C1orf162: variants seen among roughly 807,000 people sequenced by gnomAD.
C1orf162 encodes transmembrane protein C1orf162.
C1orf162 carries 10 observed loss-of-function variants against 11.4 expected under a neutral mutation model. The ratio of observed to expected loss-of-function variants is 0.88; its 90% CI spans 0.54 to 1.48. The LOEUF is 1.48. Ranked by LOEUF, C1orf162 falls within the 40% of genes most tolerant of loss-of-function variation. The probability of loss-of-function intolerance (pLI) is 0.00; values close to 1 mark genes in which losing one functional copy is unlikely to be tolerated. For synonymous variants in C1orf162, 53 were observed against 55.0 expected (o/e 0.96, Z 0.16); for missense variants, 140 against 149.5 (o/e 0.94, Z 0.33).
chr1:111,476,734 CTT>C, intron 2 of C1orf162, 62 bp from the exon 3 acceptor site: 1 of 1,557,622 alleles, frequency 6.4e-7, no homozygotes, highest in Non-Finnish European at 8.9e-7. Flanking sequence ...CCTGGGGAAA[CTT>C]AAGCTGGAAG....
Position 111,478,172 on chromosome 1 carries a change from T to C in C1orf162, c.*49T>C. 1 of 1,605,158 alleles carries C rather than the reference T, an allele frequency of 6.2e-7. No individual in the cohort carries two copies. The highest frequency in any genetic ancestry group is 2.2e-5 in the East Asian group (1 of 44,822). On this transcript the variant is annotated 3_prime_UTR_variant, in exon 6 of 6. Transcript: ENST00000369718. The stretch of plus-strand genomic sequence containing the variant: ...AATCCATTTCCTCTCATCTCAGCCC[T>C]ATCTTCACACATCACTTTCACTTTT...
At chr1:111,474,857 G>A (rs935747342) in intron 1 of C1orf162, 4 of 152,100 alleles carry the variant, frequency 2.6e-5, no homozygotes, top group South Asian at 4.1e-4. Context: ...CCTCCCACAG[G>A]TCCAAGGACT....
chr1:111,476,905 A>C, intron 3 of C1orf162, 38 bp downstream of exon 3: 1 of 1,599,650 alleles, frequency 6.3e-7, no homozygotes. Context: ...ATCTTGTACC[A>C]CGTGGGATTT....
At chr1:111,474,494 C>T (rs1360011817) in intron 1 of C1orf162, 1 of 152,212 alleles carries the variant, frequency 6.6e-6, no homozygotes, top group African/African-American at 2.4e-5. Context: ...TCTTCTTCCA[C>T]CTCTCCAGTG....
chr1:111,476,155 G>C, intron 2 of C1orf162, 90 bp downstream of exon 2: 4 of 1,257,692 alleles, frequency 3.2e-6, no homozygotes, highest in Non-Finnish European at 4.6e-6. Context: ...AAAGGCACTA[G>C]CTAGTGCATT....
At chr1:111,476,498 C>T (rs1198140352) in intron 2 of C1orf162, among the ~76,000 whole-genome samples, 1 of 152,086 alleles carries the variant, frequency 6.6e-6, no homozygotes. Context: ...CCAGAGGGAG[C>T]ATATCTCTTC....
rs768555109 is a variant in C1orf162, at chr1:111,476,794, G to A, written c.38-4G>A. On this transcript the variant is annotated splice_polypyrimidine_tract_variant and splice_region_variant and intron_variant, in intron 2 of 5. Coordinates refer to ENST00000369718, the MANE Select transcript of C1orf162 (RefSeq NM_001300834.2). ...ACACTAATTCCTTTTGTGTTTTCTT[G>A]TAGAAAGACAAGGCACTCTCTCCAC... The A allele has an allele frequency of 1.2e-5, 19 of 1,613,638 alleles. No individual in the cohort carries two copies. The highest frequency in any genetic ancestry group is 2.7e-5 in the African/African-American group (2 of 74,884).
intron 2 of C1orf162, 136 bp downstream of exon 2, chr1:111,476,201 AG>A (rs918561615): frequency 1.2e-4 from 107 of 880,512 alleles, no homozygotes; most frequent in Admixed American, 6.4e-4. Context: ...ACCAGGACAC[AG>A]AATTTAATGC....
At chr1:111,477,294 A>C in intron 3 of C1orf162, 40 bp from the exon 4 acceptor site, 1 of 1,555,828 alleles carries the variant, frequency 6.4e-7, no homozygotes, top group Non-Finnish European at 8.9e-7. Flanking sequence ...GGCCTTCAAA[A>C]GCCCAACAGT....
At chr1:111,477,850 C>A in intron 5 of C1orf162, 75 bp downstream of exon 5, 2 of 1,595,892 alleles carry the variant, frequency 1.3e-6, no homozygotes, top group Middle Eastern at 3.3e-4. Flanking sequence ...TCTTCATTAT[C>A]TGCTAGAATG....
In C1orf162 at chr1:111,474,008, A is replaced by C. The variant is rs1055588793; in HGVS notation, c.-34A>C. On this transcript the variant is annotated 5_prime_UTR_variant, in exon 1 of 6. The change abolishes an upstream ATG in the 5' untranslated region. Transcript: ENST00000369718. ...CAGTCTTAGACGACTGCGTCGTGCT[A>C]TGACCGGACTTTTTCTTGAAAGGTA... 6.6e-6 allele frequency: 1 copy of C among 152,240 alleles called. No individual in the cohort carries two copies. Among genetic ancestry groups the C allele is most frequent in the African/African-American group, 2.4e-5 (1 of 41,472 alleles). 9.4% of individuals were successfully genotyped at this position (152,240 alleles called of 1,614,324 possible).
chr1:111,478,138 T>C lies in C1orf162; in HGVS notation c.*15T>C, dbSNP rs1159800960. On this transcript the variant is annotated 3_prime_UTR_variant, in exon 6 of 6. Transcript: ENST00000369718. ...TAACAAACTAACTCAGCTTTTCCAA[T>C]GAGGCTTGAATCCATTTCCTCTCAT... The C allele has an allele frequency of 6.2e-7, 1 of 1,614,044 alleles. No individual in the cohort carries two copies. The highest frequency in any genetic ancestry group is 1.1e-5 in the South Asian group (1 of 91,080).
chr1:111,475,909 A>G (rs182534162), intron 1 of C1orf162, 109 bp from the exon 2 acceptor site: 129 of 785,952 alleles, frequency 1.6e-4, no homozygotes, highest in South Asian at 3.9e-4. Context: ...ACACCCACAA[A>G]TTGCCTCTCA....
At chr1:111,477,235 C>G in intron 3 of C1orf162, 99 bp from the exon 4 acceptor site, 2 of 1,056,764 alleles carry the variant, frequency 1.9e-6, no homozygotes, top group Admixed American at 1.9e-5. Flanking sequence ...GTGTGAAAAC[C>G]ATTTCAGGAG....
In C1orf162 at chr1:111,476,039, A is replaced by G. The variant is rs751752442; in HGVS notation, c.11A>G (p.Asn4Ser). 2 of 1,613,212 alleles carry G rather than the reference A, an allele frequency of 1.2e-6. No individual in the cohort carries two copies. Among genetic ancestry groups the G allele is most frequent in the East Asian group, 2.2e-5 (1 of 44,886 alleles). MGG[N>S]GSTCKPDTER... ...TCAGGGGATGACAGCATGGGAGGCA[A>G]TGGCTCCACATGTAAACCCGACACT... The change falls in exon 2 of 6, where the codon AAT becomes AGT. Residue 4 changes from asparagine to serine, a missense_variant. Asn to Ser is a conservative substitution (Grantham distance 46, BLOSUM62 1). Transcript: ENST00000369718.
rs879215501 is a variant in C1orf162 at position 111,476,025 on chromosome 1, C to T, written c.-4C>T. 6.2e-7 allele frequency: 1 copy of T among 1,613,136 alleles called. No individual in the cohort carries two copies. The highest frequency in any genetic ancestry group is 1.1e-5 in the South Asian group (1 of 91,046). ...ACCTTGTTTTATTCTCAGGGGATGACAGCATGGGAGGCAATGGCTCCACAT... is the reference window on the plus strand; with the variant it reads ...ACCTTGTTTTATTCTCAGGGGATGATAGCATGGGAGGCAATGGCTCCACAT... On this transcript the variant is annotated 5_prime_UTR_variant, in exon 2 of 6. Transcript: ENST00000369718.
At position 111,476,079 on chromosome 1, in the gene C1orf162, A is replaced by G. The variant is rs771214689; in HGVS notation, c.37+14A>G. 1.2e-6 allele frequency: 2 copies of G among 1,609,530 alleles called. No homozygotes were observed. The highest frequency in any genetic ancestry group is 2.2e-5 in the South Asian group (2 of 90,952). On this transcript the variant is annotated intron_variant, in intron 2 of 5. Transcript: ENST00000369718. ...AACCCGACACTGGTGAGTTTACGAC[A>G]GGAATAATTACCTGCCTCACGTCTG...
intron 3 of C1orf162, chr1:111,477,092 G>A (rs943917149): frequency 1.1e-5 from 7 of 642,942 alleles, no homozygotes; most frequent in Middle Eastern, 4.2e-4. Flanking sequence ...AAATTTGCTG[G>A]GTGGGGAATT....
Position 111,477,416 on chromosome 1 carries a change from A to G in C1orf162, c.190A>G (p.Ser64Gly), listed in dbSNP as rs1440877439. Residue 64 changes from serine (S) to glycine (G), a missense_variant, in exon 4 of 6, where the codon AGC becomes GGC. Ser to Gly is a moderately conservative substitution (Grantham distance 56). Coordinates refer to ENST00000369718, the MANE Select transcript of C1orf162 (RefSeq NM_001300834.2). ...AGCCTTTATCTTCCTCATCATAAAG[A>G]GCTACAGAAAATGTAAGTGGTCTCC... ...LIAFIFLIIKSYRKYHSKPQA... is the reference protein window; with the variant it reads ...LIAFIFLIIKGYRKYHSKPQA... The G allele has an allele frequency of 1.2e-6, 2 of 1,612,868 alleles. No homozygotes were observed. Among genetic ancestry groups the G allele is most frequent in the Non-Finnish European group, 1.7e-6 (2 of 1,178,906 alleles).
Sources: gnomAD v4.1 joint callset for allele counts (sites outside exome capture counted in the v4.1 genomes callset) on GRCh38, gnomAD v4.1.1 for gene constraint, MANE v1.5 for transcripts, NCBI Gene and HGNC (gene_info 2026-07-23, HGNC 2026-07-21) for gene names.